The following ZNF845 variants were observed in gnomAD, a reference collection of about 807,000 sequenced individuals.
The protein encoded by ZNF845 is zinc finger protein 845.
In ZNF845, 59 loss-of-function variants were observed where a neutral mutation model predicts 76.1. The observed-to-expected ratio is 0.78, with a 90% CI of 0.63 to 0.96. The LOEUF is 0.96. Ranked by LOEUF, ZNF845 falls within the 40% of genes least tolerant of loss-of-function variation. ZNF845 has a pLI of 0.00. For missense variants in ZNF845, 1,045 were observed against 1,172.8 expected (o/e 0.89, Z 1.59); for synonymous variants, 361 against 386.9 (o/e 0.93, Z 0.78).
At chr19:53,334,069 A>G (rs555698603) in intron 1 of ZNF845, among the ~76,000 whole-genome samples, 1 of 151,992 alleles carries the variant, frequency 6.6e-6, no homozygotes, top group Non-Finnish European at 1.5e-5. Flanking sequence ...ACTCCTCCCG[A>G]CCCGCACTTT....
chr19:53,342,453 A>G (rs2085263159), intron 2 of ZNF845, among the ~76,000 whole-genome samples: 1 of 152,148 alleles, frequency 6.6e-6, no homozygotes, highest in South Asian at 2.1e-4. Context: ...ATATGTAAAC[A>G]TCACATGATA....
rs558210449 is a variant in ZNF845, at chr19:53,338,255, G to A, written c.-73-2980G>A. ...TATTTCAGTCAAAATAAAAGGAGAA[G>A]GCCTCACTAAGGTCAGAAAGCCCTA... On this transcript the variant is annotated intron_variant, in intron 1 of 3. Transcript: ENST00000458035. Among the ~76,000 whole-genome samples the A allele has an allele frequency of 5.3e-5, 8 of 152,230 alleles. No individual in the cohort carries two copies. The South Asian group carries it at 1.5e-3, about 28-fold the overall frequency.
At position 53,350,874 on chromosome 19, in the gene ZNF845, G is replaced by T; in HGVS notation, c.199G>T (p.Glu67Ter). ...EFSSTAQGNT[E>*]VIHTGTLQRH... ...CTCATCAACAGCACAAGGCAATACAGAAGTGATCCACACAGGGACATTGCA... is the reference window on the plus strand; with the variant it reads ...CTCATCAACAGCACAAGGCAATACATAAGTGATCCACACAGGGACATTGCA... The change falls in exon 4 of 4, where the codon GAA becomes TAA. Residue 67 changes from glutamate to a stop codon, truncating the protein, a stop_gained. Transcript: ENST00000458035. LOFTEE classifies it high-confidence loss of function. 1 of 1,614,024 alleles carries T rather than the reference G, an allele frequency of 6.2e-7. No individual in the cohort carries two copies. Among genetic ancestry groups the T allele is most frequent in the Admixed American group, 1.7e-5 (1 of 59,998 alleles).
intron 2 of ZNF845, among the ~76,000 whole-genome samples, chr19:53,342,366 C>T (rs1568735503): frequency 6.6e-6 from 1 of 152,168 alleles, no homozygotes; most frequent in Non-Finnish European, 1.5e-5. Flanking sequence ...ATCTGCCTGC[C>T]TCAGCCTCCC....
Position 53,351,368 on chromosome 19 carries a change from GA to G in ZNF845, c.696del (p.Lys232AsnfsTer4). The G allele has an allele frequency of 6.2e-7, 1 of 1,614,180 alleles. No homozygotes were observed. Among genetic ancestry groups the G allele is most frequent in the Non-Finnish European group, 8.5e-7 (1 of 1,180,028 alleles). On this transcript the variant is annotated frameshift_variant, in exon 4 of 4. Transcript: ENST00000458035. LOFTEE classifies it high-confidence loss of function. ...KAFNYSSVLR[K>X]HQIIHLGAKQ... ...CCTTTAATTATAGCTCAGTCTTAAGGAAACATCAGATAATCCATTTAGGAGC... is the reference window on the plus strand; with the variant it reads ...CCTTTAATTATAGCTCAGTCTTAAGGAACATCAGATAATCCATTTAGGAGC...
intron 1 of ZNF845, among the ~76,000 whole-genome samples, chr19:53,335,076 A>G (rs1329694271): frequency 6.6e-6 from 1 of 152,158 alleles, no homozygotes. Context: ...TATAAGACAC[A>G]TACATTCTGT....
rs2085371463 is a variant in ZNF845 at position 53,354,599 on chromosome 19, A to C, written c.*1011A>C. 1 of 155,348 alleles carries C rather than the reference A, an allele frequency of 6.4e-6. No individual in the cohort carries two copies. Among genetic ancestry groups the C allele is most frequent in the Admixed American group, 6.4e-5 (1 of 15,616 alleles). The allele number at this position is 155,348 out of a possible 1,614,324, so 9.6% of individuals were successfully genotyped here. On this transcript the variant is annotated 3_prime_UTR_variant, in exon 4 of 4. Transcript: ENST00000458035. Reference sequence around the variant, plus strand: ...ACATTTGTTTGTATAATCATTCAACAATATTAAGACTTCCAATCCATCAAT... The same window carrying C: ...ACATTTGTTTGTATAATCATTCAACCATATTAAGACTTCCAATCCATCAAT...
intron 1 of ZNF845, chr19:53,340,925 G>A: frequency 2.5e-6 from 1 of 393,144 alleles, no homozygotes; most frequent in Non-Finnish European, 4.5e-6. Context: ...CTCAGCTGCA[G>A]GTGCAAACAC....
chr19:53,348,522 A>G (rs2085311915), intron 3 of ZNF845, among the ~76,000 whole-genome samples: 2 of 152,196 alleles, frequency 1.3e-5, no homozygotes, highest in African/African-American at 4.8e-5. Flanking sequence ...GTCAACACCC[A>G]TGACCAAATT....
At position 53,353,198 on chromosome 19, in the gene ZNF845, T is replaced by A. The variant is rs1389470922; in HGVS notation, c.2523T>A (p.Arg841=). ...GTAATGAGTGTGGCAAGACCTTCCG[T>A]CACAATTCAGCCCTTGAAATTCATA... The part of the protein sequence containing the change: ...YKCNECGKTF[R]HNSALEIHKA... Residue 841 remains arginine, a synonymous_variant, in exon 4 of 4, where the codon CGT becomes CGA. Transcript: ENST00000458035. The A allele has an allele frequency of 1.2e-6, 2 of 1,613,810 alleles. No homozygotes were observed. Among genetic ancestry groups the A allele is most frequent in the African/African-American group, 2.7e-5 (2 of 74,892 alleles).
At chr19:53,348,253 G>A (rs1035046396) in intron 3 of ZNF845, among the ~76,000 whole-genome samples, 1 of 152,126 alleles carries the variant, frequency 6.6e-6, no homozygotes, top group Non-Finnish European at 1.5e-5. Context: ...GGGTGATAGA[G>A]CGTGACTCAA....
In ZNF845 at chr19:53,354,276, CCAT is replaced by C; in HGVS notation, c.*691_*693del. The C allele has an allele frequency of 2.3e-6, 1 of 438,862 alleles. No individual in the cohort carries two copies. The highest frequency in any genetic ancestry group is 2.8e-5 in the Admixed American group (1 of 35,136). The allele number at this position is 438,862 out of a possible 1,614,324, so 27.2% of individuals were successfully genotyped here. On this transcript the variant is annotated 3_prime_UTR_variant, in exon 4 of 4. Coordinates refer to ENST00000458035, the MANE Select transcript of ZNF845 (RefSeq NM_138374.3). ...TTCCAAATGCAATGAGTATAGCAAA[CCAT>C]CAAGCATTAATTGGCATTAGAGTCA... is the stretch of plus-strand genomic sequence containing the variant.
Position 53,352,088 on chromosome 19 carries a change from T to C in ZNF845, c.1413T>C (p.Asp471=). The C allele has an allele frequency of 6.2e-7, 1 of 1,603,750 alleles. No homozygotes were observed. The highest frequency in any genetic ancestry group is 1.1e-5 in the South Asian group (1 of 90,630). The change falls in exon 4 of 4, where the codon GAT becomes GAC. Residue 471 remains aspartate, a synonymous_variant. Transcript: ENST00000458035. ...HTGEKPYKCN[D]CGKTFSQTSS... ...GAGAGAAACCTTACAAGTGTAATGA[T>C]TGTGGCAAGACCTTCAGTCAGACAT... is the stretch of plus-strand genomic sequence containing the variant.
intron 2 of ZNF845, among the ~76,000 whole-genome samples, chr19:53,342,730 G>C (rs939072024): frequency 6.6e-6 from 1 of 152,150 alleles, no homozygotes; most frequent in Admixed American, 6.5e-5. Context: ...GTTCAGGTTT[G>C]TTACATAGGT....
Position 53,353,775 on chromosome 19 carries a change from A to C in ZNF845, c.*187A>C, listed in dbSNP as rs1452834169. The C allele has an allele frequency of 5.9e-6, 9 of 1,517,228 alleles. No homozygotes were observed. Among genetic ancestry groups the C allele is most frequent in the Non-Finnish European group, 7.9e-6 (9 of 1,135,476 alleles). 94.0% of individuals were successfully genotyped at this position (1,517,228 alleles called of 1,614,324 possible). A position where few individuals can be genotyped will look rare whatever the true frequency, so the allele number is the denominator to read the frequency against. ...CCTTACAAGTGTACTGAGTGTGGCA[A>C]AGCCTTTAGTGGGCAGTCAACACTT... On this transcript the variant is annotated 3_prime_UTR_variant, in exon 4 of 4. Transcript: ENST00000458035.
chr19:53,347,142 T>TGC (rs1468086787), intron 3 of ZNF845, among the ~76,000 whole-genome samples: 1 of 152,234 alleles, frequency 6.6e-6, no homozygotes, highest in Admixed American at 6.5e-5. Flanking sequence ...TGCCTTGGCC[T>TGC]CTTAAAGTGC....
Position 53,353,874 on chromosome 19 carries a change from C to A in ZNF845, c.*286C>A. ...GATTATCACAAAGTCTTCAGTAACA[C>A]TACAACCGTTTCAAATCATTGGAGA... On this transcript the variant is annotated 3_prime_UTR_variant, in exon 4 of 4. Transcript: ENST00000458035. The A allele has an allele frequency of 8.5e-7, 1 of 1,172,584 alleles. No homozygotes were observed. The highest frequency in any genetic ancestry group is 1.2e-6 in the Non-Finnish European group (1 of 836,230). The allele number at this position is 1,172,584 out of a possible 1,614,324, so 72.6% of individuals were successfully genotyped here.
chr19:53,339,714 G>C (rs540537678), intron 1 of ZNF845, among the ~76,000 whole-genome samples: 8 of 152,212 alleles, frequency 5.3e-5, no homozygotes, highest in Non-Finnish European at 1.0e-4. Flanking sequence ...GCACATGTGA[G>C]ACCCCAGAGG....
At chr19:53,344,489 G>C (rs62115317) in intron 2 of ZNF845, among the ~76,000 whole-genome samples, 9,823 of 152,052 alleles carry the variant, frequency 0.065, 406 homozygotes, top group Middle Eastern at 0.13. Context: ...AGTGAACTGA[G>C]ATGGCACCTT....
Sources: gnomAD v4.1 joint callset for allele counts (sites outside exome capture counted in the v4.1 genomes callset) on GRCh38, gnomAD v4.1.1 for gene constraint, MANE v1.5 for transcripts, NCBI Gene and HGNC (gene_info 2026-07-23, HGNC 2026-07-21) for gene names.